Variants in PDE1C observed in about 807,000 individuals in gnomAD.
PDE1C encodes the protein phosphodiesterase 1C, also known as dual specificity calcium/calmodulin-dependent 3',5'-cyclic nucleotide phosphodiesterase 1C.
PDE1C carries 62 observed loss-of-function variants against 93.1 expected under a neutral mutation model. That is an observed-to-expected ratio of 0.67 (90% confidence interval 0.54 to 0.82). The LOEUF (loss-of-function observed/expected upper bound fraction) is 0.82. Among genes scored for constraint, PDE1C ranks in the 40% least tolerant of loss-of-function variants. The pLI is 0.00. For missense variants in PDE1C, 742 were observed against 884.6 expected (o/e 0.84, Z 2.04); for synonymous variants, 325 against 310.1 (o/e 1.05, Z -0.50).
Position 31,868,905 on chromosome 7 carries a change from A to G in PDE1C, c.610-3823T>C, listed in dbSNP as rs978981649. 2.0e-5 allele frequency among the ~76,000 whole-genome samples: 3 copies of G among 152,064 alleles called. No individual in the cohort carries two copies. The East Asian group carries it at 5.8e-4, about 29-fold the overall frequency. ...TAATACAGTCAAAGTCCTAAAAGAA[A>G]AAAAAAAAAGCCAACCAAGGATGCT... On this transcript the variant is annotated intron_variant, in intron 6 of 17. Transcript: ENST00000396191.
intron 17 of PDE1C, among the ~76,000 whole-genome samples, chr7:31,754,267 A>C (rs533718355): frequency 6.6e-6 from 1 of 152,304 alleles, no homozygotes; most frequent in South Asian, 2.1e-4. Flanking sequence ...AGTAATGGGA[A>C]CTCCCATTCT....
intron 7 of PDE1C, among the ~76,000 whole-genome samples, chr7:31,857,627 C>G (rs1016412): frequency 5.3e-5 from 8 of 151,982 alleles, no homozygotes; most frequent in African/African-American, 1.9e-4. Flanking sequence ...AGAAGTCTCT[C>G]TGGACAGACC....
At position 32,202,016 on chromosome 7, in the gene PDE1C, A is replaced by G. The variant is rs1805049311; in HGVS notation, c.136+7473T>C. 2.6e-5 allele frequency among the ~76,000 whole-genome samples: 4 copies of G among 152,328 alleles called. No individual in the cohort carries two copies. In the South Asian group the frequency reaches 8.3e-4, roughly 32 times the overall value. ...ACAGAGGTAGGAAATCAGGGTCAGA[A>G]GAACACCACCATCCCAGGTACTCAC... On this transcript the variant is annotated intron_variant, in intron 2 of 18. Transcript: ENST00000396193.
chr7:32,030,538 T>C (rs763592872), intron 2 of PDE1C, among the ~76,000 whole-genome samples: 1 of 152,026 alleles, frequency 6.6e-6, no homozygotes, highest in Non-Finnish European at 1.5e-5. Context: ...TACGTACATG[T>C]TGATGGGGTT....
At chr7:31,923,471 G>C (rs941480219) in intron 2 of PDE1C, among the ~76,000 whole-genome samples, 2 of 152,200 alleles carry the variant, frequency 1.3e-5, no homozygotes, top group African/African-American at 4.8e-5. Context: ...CACTGGTTCA[G>C]GGTGAATAGC....
At position 32,348,349 on chromosome 7, in the gene PDE1C, A is replaced by G. The variant is rs181885701; in HGVS notation, c.310+79473T>C. On this transcript the variant is annotated intron_variant, in intron 1 of 1. Transcript: ENST00000672256. ...CTCTAACTAACCAAAAATAAAAAAC[A>G]AATGTGCTTTTTTTTTTTTTTTTTT... 8.5e-3 allele frequency among the ~76,000 whole-genome samples: 1,253 copies of G among 147,666 alleles called. 36 individuals are homozygous for G. Among genetic ancestry groups the G allele is most frequent in the African/African-American group, 0.03 (1,183 of 39,270 alleles).
At chr7:31,748,233 T>C (rs1218493585), downstream of PDE1C, among the ~76,000 whole-genome samples, 1 of 144,156 alleles carries the variant, frequency 6.9e-6, no homozygotes, top group Non-Finnish European at 1.5e-5. Flanking sequence ...ATCACATATA[T>C]TTTTCTCTCT....
chr7:32,302,925 G>A (rs1812914219), upstream of PDE1C, among the ~76,000 whole-genome samples: 1 of 152,092 alleles, frequency 6.6e-6, no homozygotes, highest in South Asian at 2.1e-4. Flanking sequence ...ACACCTCATG[G>A]ACACCTATCC....
chr7:32,389,233 TGTTA>T (rs1784707760), intron 1 of PDE1C, among the ~76,000 whole-genome samples: 2 of 145,824 alleles, frequency 1.4e-5, no homozygotes, highest in South Asian at 4.4e-4. Context: ...TTTGTTTGTT[TGTTA>T]TGGAGTCTCA....
chr7:32,034,536 T>C (rs1790784346), intron 2 of PDE1C, among the ~76,000 whole-genome samples: 1 of 152,156 alleles, frequency 6.6e-6, no homozygotes, highest in Admixed American at 6.6e-5. Flanking sequence ...TCTACAAAAA[T>C]TATTTTCCTT....
At chr7:31,660,824 T>C in the PDE1C span, among the ~76,000 whole-genome samples, 1 of 152,018 alleles carries the variant, frequency 6.6e-6, no homozygotes, top group South Asian at 2.1e-4. Flanking sequence ...TAGAGAAAAC[T>C]AACCAGCAGT....
intron 2 of PDE1C, among the ~76,000 whole-genome samples, chr7:31,955,630 C>A (rs547652569): frequency 1.6e-4 from 24 of 152,264 alleles, no homozygotes; most frequent in Admixed American, 1.4e-3. Flanking sequence ...CTAGTTGCAG[C>A]ACTCCAGGTT....
rs138753879 is a variant in PDE1C at position 32,054,953 on chromosome 7, A to G, written c.102-3373T>C. Among the ~76,000 whole-genome samples, 337 of 152,222 alleles carry G rather than the reference A, an allele frequency of 2.2e-3. 3 individuals carry two copies. The highest frequency in any genetic ancestry group is 7.8e-3 in the African/African-American group (324 of 41,542). ...GTTCTCAACTGAAACATCACTTCCA[A>G]AGACCTTCTAGGGCCCCCCAAACTG... On this transcript the variant is annotated intron_variant, in intron 1 of 17. Transcript: ENST00000396191.
intron 3 of PDE1C, among the ~76,000 whole-genome samples, chr7:32,123,958 A>G (rs2128766268): frequency 1.3e-5 from 2 of 152,338 alleles, no homozygotes; most frequent in South Asian, 4.1e-4. Flanking sequence ...AGAAAACCCC[A>G]CCATCGCAGC....
In PDE1C at chr7:31,764,635, A is replaced by G. The variant is rs544373927; in HGVS notation, c.1960+11029T>C. Among the ~76,000 whole-genome samples the G allele has an allele frequency of 3.7e-4, 56 of 152,318 alleles. 1 individual carries two copies. Among genetic ancestry groups the G allele is most frequent in the African/African-American group, 1.3e-3 (55 of 41,580 alleles). On this transcript the variant is annotated intron_variant, in intron 17 of 17. Transcript: ENST00000396191. ...CACGTTGCGTTTATTATGCCGAGTC[A>G]TGGTAATTATTTGAGTCACTCATTG...
At chr7:31,842,531 A>G (rs1232895890) in intron 9 of PDE1C, among the ~76,000 whole-genome samples, 2 of 152,042 alleles carry the variant, frequency 1.3e-5, no homozygotes, top group Non-Finnish European at 2.9e-5. Context: ...TGTATTTTGC[A>G]AGGAATTTAT....
At chr7:31,718,677 G>T in the PDE1C span, among the ~76,000 whole-genome samples, 1 of 152,178 alleles carries the variant, frequency 6.6e-6, no homozygotes, top group Non-Finnish European at 1.5e-5. Flanking sequence ...ACTGTGAAAT[G>T]AAGAGGGGGA....
At chr7:31,887,932 A>C (rs1271867029) in intron 2 of PDE1C, among the ~76,000 whole-genome samples, 8 of 152,180 alleles carry the variant, frequency 5.3e-5, no homozygotes, top group Admixed American at 5.2e-4. Flanking sequence ...TATGCAGCTA[A>C]AGCAGTGTTT....
chr7:31,850,830 T>C lies in PDE1C; in HGVS notation c.751-89A>G, dbSNP rs1334245144. ...CAACACACCCACAGTGCTGCCTTTCTACCCTGCAGCTGGTAAGCTATTGCC... is the reference window on the plus strand; with the variant it reads ...CAACACACCCACAGTGCTGCCTTTCCACCCTGCAGCTGGTAAGCTATTGCC... On this transcript the variant is annotated intron_variant, in intron 7 of 17. Transcript: ENST00000396191. 4.5e-6 allele frequency: 4 copies of C among 892,218 alleles called. No homozygotes were observed. In the Admixed American group the frequency reaches 7.1e-5, roughly 16 times the overall value. The allele number at this position is 892,218 out of a possible 1,614,324, so 55.3% of individuals were successfully genotyped here. A position where few individuals can be genotyped will look rare whatever the true frequency, so the allele number is the denominator to read the frequency against.
Sources: gnomAD v4.1 joint callset for allele counts (sites outside exome capture counted in the v4.1 genomes callset) on GRCh38, gnomAD v4.1.1 for gene constraint, MANE v1.5 for transcripts, NCBI Gene and HGNC (gene_info 2026-07-23, HGNC 2026-07-21) for gene names.